The following TIA1 variants were observed in gnomAD, a reference collection of about 807,000 sequenced individuals.
TIA1 encodes the protein cytotoxic granule associated RNA binding protein TIA1.
In TIA1, 23 loss-of-function variants were observed where a neutral mutation model predicts 65.9. That is an observed-to-expected ratio of 0.35 (90% CI 0.25 to 0.49). TIA1 has a LOEUF of 0.49. Ranked by LOEUF, TIA1 falls within the 20% of genes least tolerant of loss-of-function variation. The probability of loss-of-function intolerance (pLI) is 0.98; values close to 1 mark genes in which losing one functional copy is unlikely to be tolerated. For synonymous variants in TIA1, 147 were observed against 149.4 expected (o/e 0.98, Z 0.12); for missense variants, 371 against 477.9 (o/e 0.78, Z 2.09).
At chr2:70,220,545 A>C (rs1277844203) in intron 7 of TIA1, among the ~76,000 whole-genome samples, 1 of 152,196 alleles carries the variant, frequency 6.6e-6, no homozygotes, top group East Asian at 1.9e-4. Flanking sequence ...AGCTTGGAAG[A>C]AGCAACAAAG....
chr2:70,237,378 G>A (rs1689448383), intron 1 of TIA1, among the ~76,000 whole-genome samples: 2 of 152,068 alleles, frequency 1.3e-5, no homozygotes, highest in Non-Finnish European at 2.9e-5. Context: ...TCCAGCCTGG[G>A]CAACAGAGTG....
intron 1 of TIA1, among the ~76,000 whole-genome samples, chr2:70,247,797 T>C (rs2104830128): frequency 6.6e-6 from 1 of 152,302 alleles, no homozygotes; most frequent in East Asian, 1.9e-4. Flanking sequence ...GGTGTCTGGT[T>C]AGGCTTTTTG....
chr2:70,220,438 C>G (rs968836334), intron 7 of TIA1, among the ~76,000 whole-genome samples: 2 of 151,768 alleles, frequency 1.3e-5, no homozygotes, highest in Non-Finnish European at 2.9e-5. Flanking sequence ...TATATGGATA[C>G]ACAAAGAGAG....
chr2:70,230,238 ACT>A (rs1453718710), intron 3 of TIA1, among the ~76,000 whole-genome samples: 3 of 145,036 alleles, frequency 2.1e-5, no homozygotes, highest in Admixed American at 6.8e-5. Flanking sequence ...GAAAGACCCA[ACT>A]CAAAAAAAAA....
At position 70,211,844 on chromosome 2, in the gene TIA1, T is replaced by A. The variant is rs886647929; in HGVS notation, c.*875A>T. 2.0e-5 allele frequency: 3 copies of A among 152,590 alleles called. No homozygotes were observed. Among genetic ancestry groups the A allele is most frequent in the Admixed American group, 1.3e-4 (2 of 15,280 alleles). 9.5% of individuals were successfully genotyped at this position (152,590 alleles called of 1,614,324 possible). On this transcript the variant is annotated 3_prime_UTR_variant, in exon 13 of 13. Transcript: ENST00000433529. ...TAAAACATTTTACATAATGAAATAATACATGTAAATGTTGAAGTTGACACA... is the reference window on the plus strand; with the variant it reads ...TAAAACATTTTACATAATGAAATAAAACATGTAAATGTTGAAGTTGACACA...
chr2:70,241,431 ACT>A (rs1054688510), intron 1 of TIA1, among the ~76,000 whole-genome samples: 3 of 151,916 alleles, frequency 2.0e-5, no homozygotes, highest in Non-Finnish European at 4.4e-5. Context: ...ACAGAGCGAG[ACT>A]CTGTCTTAAA....
intron 2 of TIA1, among the ~76,000 whole-genome samples, 158 bp downstream of exon 2, chr2:70,235,921 C>T (rs573573010): frequency 6.6e-6 from 1 of 152,126 alleles, no homozygotes; most frequent in African/African-American, 2.4e-5. Context: ...TCCCTATTAA[C>T]TTAGAATATG....
intron 5 of TIA1, 140 bp from the exon 6 acceptor site, chr2:70,227,962 T>C (rs1684515933): frequency 6.2e-6 from 3 of 483,354 alleles, no homozygotes; most frequent in African/African-American, 2.0e-5. Context: ...CCTATATCTA[T>C]ACAAATCCTA....
rs530839586 is a variant in TIA1 at position 70,246,081 on chromosome 2, G to A, written c.26+2324C>T. On this transcript the variant is annotated intron_variant, in intron 1 of 12. Transcript: ENST00000433529. Reference sequence around the variant, plus strand: ...TGGGATTACAGGCATGCGCCACCATGCTCAGTTAATTTTTGTATTTGTAGT... The same window carrying A: ...TGGGATTACAGGCATGCGCCACCATACTCAGTTAATTTTTGTATTTGTAGT... 4.6e-5 allele frequency among the ~76,000 whole-genome samples: 7 copies of A among 152,210 alleles called. No individual in the cohort carries two copies. In the East Asian group the frequency reaches 1.4e-3, roughly 29 times the overall value.
intron 8 of TIA1, 82 bp from the exon 9 acceptor site, chr2:70,216,581 T>G: frequency 7.2e-7 from 1 of 1,389,328 alleles, no homozygotes; most frequent in East Asian, 2.4e-5. Flanking sequence ...TACACTACTG[T>G]AAAGGTAACA....
chr2:70,239,157 A>G lies in TIA1; in HGVS notation c.27-2982T>C, dbSNP rs527940702. Among the ~76,000 whole-genome samples the G allele has an allele frequency of 6.8e-3, 1,042 of 152,232 alleles. 11 individuals are homozygous for G. The highest frequency in any genetic ancestry group is 0.024 in the African/African-American group (1,005 of 41,548). On this transcript the variant is annotated intron_variant, in intron 1 of 12. Transcript: ENST00000433529. ...GCCCAGGCTGGAGTGCAGTGGCGTG[A>G]TCTCGGCTCACTGCAAGCTCCGCCT... is the stretch of plus-strand genomic sequence containing the variant.
chr2:70,245,080 G>A (rs1318872371), intron 1 of TIA1, among the ~76,000 whole-genome samples: 2 of 151,960 alleles, frequency 1.3e-5, no homozygotes, highest in Non-Finnish European at 2.9e-5. Flanking sequence ...CCACCTCCCG[G>A]GCGATTCTCC....
chr2:70,226,318 A>G (rs1683789412), intron 6 of TIA1, among the ~76,000 whole-genome samples: 1 of 152,168 alleles, frequency 6.6e-6, no homozygotes, highest in Non-Finnish European at 1.5e-5. Flanking sequence ...ACTGTTAAAC[A>G]ATCTTTGCCT....
chr2:70,229,257 T>C lies in TIA1; in HGVS notation c.277+7A>G, dbSNP rs750466101. ...ACAAATGTTCAAAGAGCATAAAATA[T>C]ACTTACTGCTTGTATCTTTCTTTTG... is the stretch of plus-strand genomic sequence containing the variant. On this transcript the variant is annotated splice_region_variant and intron_variant, in intron 4 of 12. Coordinates refer to ENST00000433529, the MANE Select transcript of TIA1 (RefSeq NM_022173.4). 10 of 1,613,662 alleles carry C rather than the reference T, an allele frequency of 6.2e-6. No individual in the cohort carries two copies. The highest frequency in any genetic ancestry group is 1.1e-5 in the South Asian group (1 of 91,072).
chr2:70,240,000 T>C (rs1034976005), intron 1 of TIA1, among the ~76,000 whole-genome samples: 5 of 152,196 alleles, frequency 3.3e-5, no homozygotes, highest in Admixed American at 2.6e-4. Context: ...TAAACCCTAA[T>C]GAAATAACTG....
intron 3 of TIA1, among the ~76,000 whole-genome samples, chr2:70,229,725 G>A (rs1031809250): frequency 2.6e-5 from 4 of 152,084 alleles, no homozygotes; most frequent in Admixed American, 2.6e-4. Context: ...GATCACCTGA[G>A]GTCAGGAGTT....
At position 70,215,244 on chromosome 2, in the gene TIA1, T is replaced by G. The variant is rs1678075102; in HGVS notation, c.888+127A>C. The G allele has an allele frequency of 4.0e-5, 48 of 1,194,252 alleles. No homozygotes were observed. In the South Asian group the frequency reaches 6.1e-4, roughly 15 times the overall value. The allele number at this position is 1,194,252 out of a possible 1,614,324, so 74.0% of individuals were successfully genotyped here. Reference sequence around the variant, plus strand: ...AACACCATTCTGGAACTATAATACATGTAGGAAGAGCCCTTATATACTATC... The same window carrying G: ...AACACCATTCTGGAACTATAATACAGGTAGGAAGAGCCCTTATATACTATC... On this transcript the variant is annotated intron_variant, in intron 11 of 12. Transcript: ENST00000433529.
At chr2:70,238,447 A>C (rs1019512646) in intron 1 of TIA1, among the ~76,000 whole-genome samples, 1 of 150,910 alleles carries the variant, frequency 6.6e-6, no homozygotes. Context: ...ATTTTTTTAT[A>C]TTTTTGGTAG....
At chr2:70,216,635 G>C in intron 8 of TIA1, 136 bp from the exon 9 acceptor site, 4 of 1,315,024 alleles carry the variant, frequency 3.0e-6, no homozygotes, top group Non-Finnish European at 4.1e-6. Context: ...TTATACTTCA[G>C]TTCAGAATTA....
Sources: gnomAD v4.1 joint callset for allele counts (sites outside exome capture counted in the v4.1 genomes callset) on GRCh38, gnomAD v4.1.1 for gene constraint, MANE v1.5 for transcripts, NCBI Gene and HGNC (gene_info 2026-07-23, HGNC 2026-07-21) for gene names.